DOCK3: variants seen among roughly 807,000 people sequenced by gnomAD.
DOCK3 encodes the protein dedicator of cytokinesis 3.
DOCK3 carries 60 observed loss-of-function variants against 265.6 expected under a neutral mutation model. The observed-to-expected ratio is 0.23, with a 90% CI of 0.18 to 0.28. DOCK3 has a LOEUF of 0.28. Among genes scored for constraint, DOCK3 ranks in the 10% least tolerant of loss-of-function variants. DOCK3 has a pLI of 1.00. For missense variants in DOCK3, 1,981 were observed against 2,594.3 expected (o/e 0.76, Z 5.14); for synonymous variants, 881 against 938.0 (o/e 0.94, Z 1.11).
chr3:51,280,490 A>C (rs1225308606), intron 27 of DOCK3, among the ~76,000 whole-genome samples: 1 of 152,210 alleles, frequency 6.6e-6, no homozygotes, highest in Non-Finnish European at 1.5e-5. Context: ...GTTGTCAGAC[A>C]ACCAGGACTC....
intron 1 of DOCK3, among the ~76,000 whole-genome samples, chr3:50,730,580 C>T (rs1055598047): frequency 2.6e-5 from 4 of 151,868 alleles, no homozygotes; most frequent in Admixed American, 1.3e-4. Context: ...GTAATTGCAG[C>T]GCTTTGGGAG....
chr3:51,275,700 G>A (rs1403448485), intron 25 of DOCK3, among the ~76,000 whole-genome samples: 1 of 152,136 alleles, frequency 6.6e-6, no homozygotes, highest in African/African-American at 2.4e-5. Context: ...AGAGCTCTGA[G>A]CCTCAGAGGA....
intron 12 of DOCK3, among the ~76,000 whole-genome samples, chr3:51,170,356 T>G (rs1370425302): frequency 6.6e-6 from 1 of 152,174 alleles, no homozygotes; most frequent in Non-Finnish European, 1.5e-5. Context: ...TTTAGTAGAC[T>G]TCACCCATGA....
intron 3 of DOCK3, among the ~76,000 whole-genome samples, chr3:50,859,244 T>G (rs2046782228): frequency 7.9e-6 from 1 of 126,042 alleles, no homozygotes; most frequent in Middle Eastern, 4.9e-3. Context: ...TGAGACGGAA[T>G]CTGACTCTGT....
In DOCK3 at chr3:51,187,249, G is replaced by T. The variant is rs565732113; in HGVS notation, c.1038-21525G>T. ...TGAAGTCAAAGGAGATCATTTTGGA[G>T]CTGTAAGATTTGACTGCCTCACTGG... On this transcript the variant is annotated intron_variant, in intron 12 of 52. Coordinates refer to ENST00000266037, the MANE Select transcript of DOCK3 (RefSeq NM_004947.5). Among the ~76,000 whole-genome samples, 7 of 152,348 alleles carry T rather than the reference G, an allele frequency of 4.6e-5. No individual in the cohort carries two copies. The East Asian group carries it at 1.2e-3, about 25-fold the overall frequency.
At chr3:51,176,354 C>A (rs993070835) in intron 12 of DOCK3, among the ~76,000 whole-genome samples, 6 of 152,016 alleles carry the variant, frequency 3.9e-5, no homozygotes. Context: ...TGGTGGCTCA[C>A]GCCTGTAATC....
chr3:51,209,366 G>C (rs2089388917), intron 13 of DOCK3, among the ~76,000 whole-genome samples: 1 of 152,078 alleles, frequency 6.6e-6, no homozygotes, highest in Non-Finnish European at 1.5e-5. Context: ...CTTCATCTTA[G>C]CTCAACTTCT....
chr3:51,075,825 C>T (rs1259513241), intron 7 of DOCK3, among the ~76,000 whole-genome samples: 1 of 152,138 alleles, frequency 6.6e-6, no homozygotes, highest in Non-Finnish European at 1.5e-5. Context: ...ATGTACTAGT[C>T]TTTCTAGAGA....
Position 51,333,145 on chromosome 3 carries a change from C to T in DOCK3, c.3516-13C>T, listed in dbSNP as rs1304980284. On this transcript the variant is annotated splice_polypyrimidine_tract_variant and intron_variant, in intron 34 of 52. Coordinates refer to ENST00000266037, the MANE Select transcript of DOCK3 (RefSeq NM_004947.5). ...ATGAATTGTGTTTGCTTTCTCCACC[C>T]CTCCACCAATAGCCTGCTGGAGAAG... 2 of 1,613,916 alleles carry T rather than the reference C, an allele frequency of 1.2e-6. No homozygotes were observed. Among genetic ancestry groups the T allele is most frequent in the Non-Finnish European group, 8.5e-7 (1 of 1,179,802 alleles).
intron 39 of DOCK3, 75 bp from the exon 40 acceptor site, chr3:51,350,213 C>T (rs547547607): frequency 1.5e-6 from 2 of 1,295,394 alleles, no homozygotes; most frequent in South Asian, 1.4e-5. Flanking sequence ...AAGACAGTGT[C>T]CAGTTGGGCC....
chr3:50,889,693 A>G (rs949649151), intron 3 of DOCK3, among the ~76,000 whole-genome samples: 1 of 152,060 alleles, frequency 6.6e-6, no homozygotes, highest in Non-Finnish European at 1.5e-5. Context: ...AGTTTTGGAG[A>G]TACATGACAA....
At chr3:51,339,592 G>C (rs900817775) in intron 37 of DOCK3, among the ~76,000 whole-genome samples, 1 of 152,174 alleles carries the variant, frequency 6.6e-6, no homozygotes, top group African/African-American at 2.4e-5. Context: ...TCCTTTCATT[G>C]TATCTACAAT....
intron 4 of DOCK3, among the ~76,000 whole-genome samples, chr3:50,927,782 A>T (rs2050840068): frequency 6.6e-6 from 1 of 151,998 alleles, no homozygotes; most frequent in South Asian, 2.1e-4. Flanking sequence ...ATCATTTTAC[A>T]CTCACCTAAT....
chr3:50,754,936 C>CT (rs1183474430), intron 1 of DOCK3, among the ~76,000 whole-genome samples: 2 of 152,150 alleles, frequency 1.3e-5, no homozygotes, highest in Non-Finnish European at 2.9e-5. Context: ...GTTGAAATGA[C>CT]TTTACAGCAG....
intron 1 of DOCK3, among the ~76,000 whole-genome samples, chr3:50,765,391 G>T (rs1677722260): frequency 6.6e-6 from 1 of 151,872 alleles, no homozygotes; most frequent in South Asian, 2.1e-4. Flanking sequence ...GCCTTTCTTA[G>T]AATTTATAAA....
intron 2 of DOCK3, among the ~76,000 whole-genome samples, chr3:50,830,309 T>C (rs2045510): frequency 0.094 from 14,356 of 152,252 alleles, 839 homozygotes; most frequent in Non-Finnish European, 0.12. Flanking sequence ...TGCAAGTCTT[T>C]ACAAAGAACC....
At chr3:51,348,148 C>T (rs1247042489) in intron 38 of DOCK3, among the ~76,000 whole-genome samples, 5 of 152,032 alleles carry the variant, frequency 3.3e-5, no homozygotes, top group Admixed American at 1.3e-4. Flanking sequence ...TGGATAATAT[C>T]GCCTCTTAAT....
At chr3:50,698,476 G>C (rs2035783506) in intron 1 of DOCK3, among the ~76,000 whole-genome samples, 1 of 102,290 alleles carries the variant, frequency 9.8e-6, no homozygotes, top group South Asian at 3.5e-4. Context: ...ATTATGCTAT[G>C]GACATTCATG....
intron 2 of DOCK3, among the ~76,000 whole-genome samples, chr3:50,821,493 G>A (rs1348284413): frequency 1.3e-5 from 2 of 151,978 alleles, no homozygotes; most frequent in African/African-American, 4.8e-5. Flanking sequence ...GTAGAGACGG[G>A]GTTTCACCGT....
Sources: allele counts gnomAD v4.1 joint callset (sites outside exome capture counted in the v4.1 genomes callset), GRCh38; gene constraint gnomAD v4.1.1; transcripts MANE v1.5; gene names NCBI Gene and HGNC (gene_info 2026-07-23, HGNC 2026-07-21).